Variants in AFG2A observed in about 807,000 individuals in gnomAD.
AFG2A encodes the protein AAA ATPase AFG2A, also known as ATPase family gene 2 protein homolog A.
At chr4:122,938,184 GC>G in the AFG2A span, 1 of 1,609,742 alleles carries the variant, frequency 6.2e-7, no homozygotes, top group Non-Finnish European at 8.5e-7. Flanking sequence ...AAGAGAGGGG[GC>G]CCAGAATGAA....
At chr4:122,938,352 A>G in the AFG2A span, 1 of 1,265,650 alleles carries the variant, frequency 7.9e-7, no homozygotes, top group Non-Finnish European at 1.0e-6. Context: ...ATATTTTAGG[A>G]TAAAGGAAAA....
the AFG2A span, among the ~76,000 whole-genome samples, chr4:123,141,894 A>G: frequency 6.6e-6 from 1 of 152,094 alleles, no homozygotes; most frequent in African/African-American, 2.4e-5. Flanking sequence ...TTTTTGTAGC[A>G]AACGTGACCC....
At chr4:123,062,390 G>C in the AFG2A span, among the ~76,000 whole-genome samples, 1 of 152,154 alleles carries the variant, frequency 6.6e-6, no homozygotes, top group South Asian at 2.1e-4. Context: ...CTTTGATTTT[G>C]TTTTTAAACA....
the AFG2A span, among the ~76,000 whole-genome samples, chr4:123,098,353 ATACT>A: frequency 5.4e-4 from 82 of 152,172 alleles, no homozygotes; most frequent in Non-Finnish European, 9.1e-4. Context: ...ATTACTTCAC[ATACT>A]TCTTATTTTT....
the AFG2A span, among the ~76,000 whole-genome samples, chr4:123,124,269 A>G: frequency 6.6e-6 from 1 of 152,216 alleles, no homozygotes; most frequent in Non-Finnish European, 1.5e-5. Context: ...CTGGATTAAG[A>G]AAATGTGGCA....
the AFG2A span, among the ~76,000 whole-genome samples, chr4:123,073,212 G>A: frequency 6.0e-5 from 9 of 149,446 alleles, no homozygotes; most frequent in Non-Finnish European, 5.9e-5. Context: ...TACCTTCTCC[G>A]GCCTATCTCC....
the AFG2A span, among the ~76,000 whole-genome samples, chr4:123,001,546 T>C: frequency 6.6e-6 from 1 of 151,656 alleles, no homozygotes; most frequent in African/African-American, 2.4e-5. Flanking sequence ...TATTTCTGCC[T>C]TCATTTCGTT....
At chr4:123,027,924 GC>G in the AFG2A span, among the ~76,000 whole-genome samples, 1 of 151,610 alleles carries the variant, frequency 6.6e-6, no homozygotes, top group Non-Finnish European at 1.5e-5. Flanking sequence ...TTTACGATAT[GC>G]TCAATCATTT....
the AFG2A span, among the ~76,000 whole-genome samples, chr4:123,005,968 A>G: frequency 6.6e-6 from 1 of 152,212 alleles, no homozygotes; most frequent in Non-Finnish European, 1.5e-5. Flanking sequence ...ATATGTACTC[A>G]ATGTAGTCAC....
the AFG2A span, among the ~76,000 whole-genome samples, chr4:122,939,681 G>T: frequency 2.0e-5 from 3 of 151,580 alleles, no homozygotes; most frequent in South Asian, 6.3e-4. Context: ...TGCACAATGT[G>T]CAGGTTAGTT....
At chr4:122,954,193 A>G in the AFG2A span, among the ~76,000 whole-genome samples, 1 of 152,136 alleles carries the variant, frequency 6.6e-6, no homozygotes, top group Non-Finnish European at 1.5e-5. Flanking sequence ...GTGCTGCCTC[A>G]GGGCTGGGTG....
At chr4:123,271,053 G>T in the AFG2A span, among the ~76,000 whole-genome samples, 1 of 152,166 alleles carries the variant, frequency 6.6e-6, no homozygotes, top group South Asian at 2.1e-4. Context: ...CACTACTGAT[G>T]ATGCCATTGT....
the AFG2A span, among the ~76,000 whole-genome samples, chr4:123,224,890 A>G: frequency 1.4e-4 from 22 of 152,144 alleles, no homozygotes; most frequent in Non-Finnish European, 2.8e-4. Context: ...CTGACTTTAT[A>G]ATGATCGCCA....
the AFG2A span, among the ~76,000 whole-genome samples, chr4:123,199,412 A>G: frequency 6.7e-6 from 1 of 150,308 alleles, no homozygotes; most frequent in African/African-American, 2.4e-5. Flanking sequence ...GGAACATAGC[A>G]GTAATGAAAG....
chr4:123,153,667 AC>A, the AFG2A span, among the ~76,000 whole-genome samples: 1 of 152,198 alleles, frequency 6.6e-6, no homozygotes, highest in African/African-American at 2.4e-5. Flanking sequence ...TACCAATGCA[AC>A]ATGTAAAGGT....
At chr4:123,291,314 C>T in the AFG2A span, among the ~76,000 whole-genome samples, 11 of 152,054 alleles carry the variant, frequency 7.2e-5, no homozygotes, top group African/African-American at 1.7e-4. Flanking sequence ...TATTTAGACC[C>T]GTATTCAACA....
chr4:123,001,377 T>G, the AFG2A span, among the ~76,000 whole-genome samples: 4 of 152,198 alleles, frequency 2.6e-5, no homozygotes, highest in Non-Finnish European at 5.9e-5. Flanking sequence ...GCTTTTCTAG[T>G]TCTTCTAATT....
At chr4:123,040,770 G>T in the AFG2A span, among the ~76,000 whole-genome samples, 11 of 152,076 alleles carry the variant, frequency 7.2e-5, no homozygotes, top group African/African-American at 2.7e-4. Flanking sequence ...TTTGGTAGTT[G>T]CATTATTTAA....
chr4:123,183,933 T>TTC, the AFG2A span, among the ~76,000 whole-genome samples: 225 of 137,390 alleles, frequency 1.6e-3, 2 homozygotes, highest in Non-Finnish European at 2.1e-3. Flanking sequence ...CTTGCTTATT[T>TTC]ATTCATTCAT....
Sources: gnomAD v4.1 joint callset for allele counts (sites outside exome capture counted in the v4.1 genomes callset) on GRCh38, gnomAD v4.1.1 for gene constraint, MANE v1.5 for transcripts, NCBI Gene and HGNC (gene_info 2026-07-23, HGNC 2026-07-21) for gene names.